Variants in LONRF1 observed in about 807,000 individuals in gnomAD.
The protein encoded by LONRF1 is LON peptidase N-terminal domain and RING finger protein 1.
LONRF1 carries 37 observed loss-of-function variants against 85.8 expected under a neutral mutation model. That is an observed-to-expected ratio of 0.43 (90% CI 0.33 to 0.57). LONRF1 has a LOEUF of 0.57. LONRF1 is among the 20% of genes least tolerant of loss of function. The probability of loss-of-function intolerance (pLI) is 0.04; values close to 1 mark genes in which losing one functional copy is unlikely to be tolerated. For synonymous variants in LONRF1, 517 were observed against 390.1 expected (o/e 1.33, Z -3.83); for missense variants, 1,036 against 978.0 (o/e 1.06, Z -0.79).
intron 1 of LONRF1, among the ~76,000 whole-genome samples, chr8:12,744,317 C>T (rs573895413): frequency 6.6e-6 from 1 of 152,194 alleles, no homozygotes; most frequent in Admixed American, 6.5e-5. Flanking sequence ...TGCCTGAGAA[C>T]TGGGATTACA....
rs879510935 is a variant in LONRF1 at position 12,754,682 on chromosome 8, G to T, written c.721+18C>A. 1 of 1,329,558 alleles carries T rather than the reference G, an allele frequency of 7.5e-7. No homozygotes were observed. The highest frequency in any genetic ancestry group is 3.2e-5 in the East Asian group (1 of 31,536). 82.4% of individuals were successfully genotyped at this position (1,329,558 alleles called of 1,614,324 possible). On this transcript the variant is annotated intron_variant, in intron 1 of 11. Coordinates refer to ENST00000398246, the MANE Select transcript of LONRF1 (RefSeq NM_152271.5). ...AGGGTGCGGTCGGCCCGGCCCCGCCGCATCCCCGCGCGGTCACCTGCTCGC... is the reference window on the plus strand; with the variant it reads ...AGGGTGCGGTCGGCCCGGCCCCGCCTCATCCCCGCGCGGTCACCTGCTCGC...
Position 12,737,156 on chromosome 8 carries a change from A to G in LONRF1, c.1114-16T>C. The G allele has an allele frequency of 6.2e-7, 1 of 1,606,534 alleles. No homozygotes were observed. Among genetic ancestry groups the G allele is most frequent in the Non-Finnish European group, 8.5e-7 (1 of 1,176,528 alleles). On this transcript the variant is annotated splice_polypyrimidine_tract_variant and intron_variant, in intron 4 of 11. Transcript: ENST00000398246. ...TTTCTTCACTCTACAAAAATACAAT[A>G]AACAAAGGTAACTGTATTTCTTTAC...
chr8:12,731,401 C>T (rs1798523890), intron 8 of LONRF1, among the ~76,000 whole-genome samples: 1 of 152,136 alleles, frequency 6.6e-6, no homozygotes, highest in Non-Finnish European at 1.5e-5. Context: ...TCTTGCCCTA[C>T]CACGACACAT....
Position 12,729,301 on chromosome 8 carries a change from T to C in LONRF1, c.1720A>G (p.Thr574Ala). The C allele has an allele frequency of 6.2e-7, 1 of 1,613,790 alleles. No individual in the cohort carries two copies. The highest frequency in any genetic ancestry group is 8.5e-7 in the Non-Finnish European group (1 of 1,179,846). Residue 574 changes from threonine (T) to alanine (A), a missense_variant, in exon 9 of 12, where the codon ACT (threonine) becomes GCT (alanine). Coordinates refer to ENST00000398246, the MANE Select transcript of LONRF1 (RefSeq NM_152271.5). ...CAAGGCACAGTGGGGTAGGCCATAG[T>C]GCAAACAAATATTGGAACATTCTTG... ...LTKNVPIFVC[T>A]MAYPTVPCPL...
In LONRF1 at chr8:12,737,127, G is replaced by A. The variant is rs760751768; in HGVS notation, c.1127C>T (p.Pro376Leu). Residue 376 changes from proline (P) to leucine (L), a missense_variant, in exon 5 of 12, where the codon CCA (proline) becomes CTA (leucine). Around this residue, in one of 3 missense-constraint regions of LONRF1, gnomAD observed 742 missense variants for 614.4 expected, o/e 1.21. Transcript: ENST00000398246. ...TTTGACAGGCTCTGAAGTGACCTCT[G>A]GTATTTCTTCACTCTACAAAAATAC... ...EPSPKQSEEI[P>L]EVTSEPVKGS... The A allele has an allele frequency of 1.6e-5, 26 of 1,611,310 alleles. No homozygotes were observed. The South Asian group carries it at 2.6e-4, about 16-fold the overall frequency.
intron 10 of LONRF1, 129 bp from the exon 11 acceptor site, chr8:12,726,008 A>C (rs182196897): frequency 6.5e-6 from 5 of 769,720 alleles, no homozygotes; most frequent in South Asian, 5.6e-5. Context: ...GACGTCCCAG[A>C]GAGTATTATT....
chr8:12,748,482 C>G (rs933919484), intron 1 of LONRF1, among the ~76,000 whole-genome samples: 4 of 152,184 alleles, frequency 2.6e-5, no homozygotes, highest in Non-Finnish European at 5.9e-5. Flanking sequence ...TATGCATGAG[C>G]CACCATGCTG....
At chr8:12,746,051 CCACT>C (rs1799139997) in intron 1 of LONRF1, among the ~76,000 whole-genome samples, 1 of 152,162 alleles carries the variant, frequency 6.6e-6, no homozygotes, top group Non-Finnish European at 1.5e-5. Flanking sequence ...ATTATTGACA[CCACT>C]AACTTCCCAA....
At chr8:12,752,490 G>A (rs1250444130) in intron 1 of LONRF1, among the ~76,000 whole-genome samples, 1 of 152,086 alleles carries the variant, frequency 6.6e-6, no homozygotes, top group Non-Finnish European at 1.5e-5. Context: ...ATTCTTGAAA[G>A]AACTAAAAAT....
intron 8 of LONRF1, among the ~76,000 whole-genome samples, chr8:12,730,022 G>A (rs548781033): frequency 1.3e-5 from 2 of 152,246 alleles, no homozygotes; most frequent in South Asian, 4.2e-4. Context: ...GTTGTTGGCA[G>A]GAAATGTTCA....
In LONRF1 at chr8:12,750,280, C is replaced by T. The variant is rs577644260; in HGVS notation, c.721+4420G>A. ...ACATCAGTGTTTACTGTTTCAAGTCCTCTGCACAATAAGTAAGGACATAAA... is the reference window on the plus strand; with the variant it reads ...ACATCAGTGTTTACTGTTTCAAGTCTTCTGCACAATAAGTAAGGACATAAA... On this transcript the variant is annotated intron_variant, in intron 1 of 11. Coordinates refer to ENST00000398246, the MANE Select transcript of LONRF1 (RefSeq NM_152271.5). Among the ~76,000 whole-genome samples, 142 of 152,268 alleles carry T rather than the reference C, an allele frequency of 9.3e-4. 1 individual carries two copies. The highest frequency in any genetic ancestry group is 3.3e-3 in the African/African-American group (137 of 41,544).
At chr8:12,732,555 T>C (rs1323937424) in intron 7 of LONRF1, among the ~76,000 whole-genome samples, 1 of 152,228 alleles carries the variant, frequency 6.6e-6, no homozygotes, top group Non-Finnish European at 1.5e-5. Flanking sequence ...TTTTGTGTTA[T>C]TCTCTATTCC....
At chr8:12,734,248 T>C (rs996681674) in intron 7 of LONRF1, among the ~76,000 whole-genome samples, 1 of 41,934 alleles carries the variant, frequency 2.4e-5, no homozygotes, top group Admixed American at 4.4e-4. Flanking sequence ...ATTCTAAATA[T>C]GCTTTTGTTT....
chr8:12,722,875 TC>T lies in LONRF1; in HGVS notation c.*220del. 1 of 463,728 alleles carries T rather than the reference TC, an allele frequency of 2.2e-6. No homozygotes were observed. The highest frequency in any genetic ancestry group is 3.9e-6 in the Non-Finnish European group (1 of 257,604). The allele number at this position is 463,728 out of a possible 1,614,324, so 28.7% of individuals were successfully genotyped here. A position where few individuals can be genotyped will look rare whatever the true frequency, so the allele number is the denominator to read the frequency against. On this transcript the variant is annotated 3_prime_UTR_variant, in exon 12 of 12. Coordinates refer to ENST00000398246, the MANE Select transcript of LONRF1 (RefSeq NM_152271.5). ...TAGTGCAACTTCACAATGTAGAGGT[TC>T]GACACACATTCAATGCGTGTTTTTC...
Position 12,755,119 on chromosome 8 carries a change from TGGCGGAGCCGGTAGTTGAACACCA to T in LONRF1, c.278_301del (p.Leu93_Arg100del). The T allele has an allele frequency of 2.7e-6, 4 of 1,457,262 alleles. No individual in the cohort carries two copies. The highest frequency in any genetic ancestry group is 3.6e-6 in the Non-Finnish European group (4 of 1,109,132). The allele number at this position is 1,457,262 out of a possible 1,614,324, so 90.3% of individuals were successfully genotyped here. A position where few individuals can be genotyped will look rare whatever the true frequency, so the allele number is the denominator to read the frequency against. ...CGGGGCCGCGCTCCAGCCCAGCCCG[TGGCGGAGCCGGTAGTTGAACACCA>T]GGCAGTCCACCAGGGCGCCCAGGCA... On this transcript the variant is annotated inframe_deletion, in exon 1 of 12. Coordinates refer to ENST00000398246, the MANE Select transcript of LONRF1 (RefSeq NM_152271.5).
rs1799002990 is a variant in LONRF1, at chr8:12,743,077, T to A, written c.840+87A>T. ...ATTTTATTTGGAGTCAACCATCTAC[T>A]TTGTTAAAATTCCTAACTGTGAATG... On this transcript the variant is annotated intron_variant, in intron 2 of 11. Coordinates refer to ENST00000398246, the MANE Select transcript of LONRF1 (RefSeq NM_152271.5). 8.2e-6 allele frequency: 7 copies of A among 850,780 alleles called. No homozygotes were observed. The South Asian group carries it at 8.5e-5, about 10-fold the overall frequency. The allele number at this position is 850,780 out of a possible 1,614,324, so 52.7% of individuals were successfully genotyped here.
chr8:12,754,934 G>T lies in LONRF1; in HGVS notation c.487C>A (p.Pro163Thr). 1 of 1,489,204 alleles carries T rather than the reference G, an allele frequency of 6.7e-7. No individual in the cohort carries two copies. Among genetic ancestry groups the T allele is most frequent in the Non-Finnish European group, 8.9e-7 (1 of 1,124,074 alleles). The allele number at this position is 1,489,204 out of a possible 1,614,324, so 92.2% of individuals were successfully genotyped here. A position where few individuals can be genotyped will look rare whatever the true frequency, so the allele number is the denominator to read the frequency against. The change falls in exon 1 of 12, where the codon CCG (proline) becomes ACG (threonine). Residue 163 changes from proline (P) to threonine (T), a missense_variant. By Grantham distance (38) the Pro-to-Thr change is conservative. Coordinates refer to ENST00000398246, the MANE Select transcript of LONRF1 (RefSeq NM_152271.5). ...TCAGTGGCACTGGCGGTGGCGGGCGGCAGCCGGTCCCGGCAGAGGCGGCAG... is the reference window on the plus strand; with the variant it reads ...TCAGTGGCACTGGCGGTGGCGGGCGTCAGCCGGTCCCGGCAGAGGCGGCAG... ...ARCRLCRDRL[P>T]PATASATDAE...
At chr8:12,743,646 A>C (rs6530965) in intron 1 of LONRF1, among the ~76,000 whole-genome samples, 129,695 of 152,100 alleles carry the variant, frequency 0.85, 55,585 homozygotes, top group East Asian at 0.94. Context: ...TTTTATAGTA[A>C]ATCTTATATT....
rs115491803 is a variant in LONRF1 at position 12,725,595 on chromosome 8, G to A, written c.2163+132C>T. The A allele has an allele frequency of 2.1e-3, 1,614 of 784,760 alleles. 13 individuals are homozygous for A. In the African/African-American group the frequency reaches 0.026, roughly 13 times the overall value. The allele number at this position is 784,760 out of a possible 1,614,324, so 48.6% of individuals were successfully genotyped here. A position where few individuals can be genotyped will look rare whatever the true frequency, so the allele number is the denominator to read the frequency against. ...GAACTCATGATTGCAAAGATGAGGT[G>A]GGGCTGGTGCGGGGGAGGGGACAGT... On this transcript the variant is annotated intron_variant, in intron 11 of 11. Transcript: ENST00000398246.
Sources: gnomAD v4.1 joint callset for allele counts (sites outside exome capture counted in the v4.1 genomes callset) on GRCh38, gnomAD v4.1.1 for gene constraint, gnomAD v4.1.1 regional missense constraint, MANE v1.5 for transcripts, NCBI Gene and HGNC (gene_info 2026-07-23, HGNC 2026-07-21) for gene names.